The following EMC1 variants were observed in gnomAD, a reference collection of about 807,000 sequenced individuals.
The protein encoded by EMC1 is KIAA0090.
EMC1 carries 103 observed loss-of-function variants against 128.8 expected under a neutral mutation model. The observed-to-expected ratio is 0.80, with a 90% CI of 0.68 to 0.94. The LOEUF (loss-of-function observed/expected upper bound fraction) is 0.94, where lower values mean the gene tolerates loss of function less well. Among genes scored for constraint, EMC1 ranks in the 40% least tolerant of loss-of-function variants. EMC1 has a pLI of 0.00. For synonymous variants in EMC1, 442 were observed against 490.4 expected, an observed-to-expected ratio of 0.90 and a Z score of 1.30; for missense variants, 1,083 against 1,250.6, an observed-to-expected ratio of 0.87 and a Z score of 2.02.
At chr1:19,220,277 A>G (rs2093421547) in intron 21 of EMC1, 1 of 158,492 alleles carries the variant, frequency 6.3e-6, no homozygotes, top group Non-Finnish European at 1.4e-5. Context: ...GGCCCGAATT[A>G]CCTCAGTGAT....
chr1:19,251,323 C>T (rs2093658182), intron 1 of EMC1, 92 bp downstream of exon 1: 3 of 1,211,400 alleles, frequency 2.5e-6, no homozygotes, highest in South Asian at 2.5e-5. Context: ...AATTATGCGG[C>T]CAATCCTGTT....
At chr1:19,243,731 A>T in intron 3 of EMC1, 24 bp from the exon 4 acceptor site, 2 of 1,611,668 alleles carry the variant, frequency 1.2e-6, no homozygotes, top group Non-Finnish European at 8.5e-7. Flanking sequence ...GATCGTGGTG[A>T]AGTCATTTCC....
chr1:19,245,488 AT>A (rs1242901982), intron 1 of EMC1, among the ~76,000 whole-genome samples: 1 of 152,208 alleles, frequency 6.6e-6, no homozygotes, highest in Non-Finnish European at 1.5e-5. Flanking sequence ...CAAAAGCAAG[AT>A]TTCCATTCAA....
intron 6 of EMC1, 151 bp from the exon 7 acceptor site, chr1:19,240,597 T>C: frequency 1.3e-6 from 1 of 778,166 alleles, no homozygotes; most frequent in Non-Finnish European, 2.0e-6. Flanking sequence ...TCCTGTCCCC[T>C]GAAACCCCAC....
Position 19,220,754 on chromosome 1 carries a change from A to C in EMC1, c.2672+10T>G, listed in dbSNP as rs767268556. On this transcript the variant is annotated intron_variant, in intron 21 of 22. Transcript: ENST00000477853. ...GTCAGAGCCTTCAGCACTGCCCATG[A>C]GGGTCTCACCTGCTTTGTTCTGTTG... 5.0e-6 allele frequency: 8 copies of C among 1,608,798 alleles called. No homozygotes were observed. The South Asian group carries it at 6.6e-5, about 13-fold the overall frequency.
At chr1:19,227,481 G>C (rs1423406060) in intron 17 of EMC1, 31 bp from the exon 18 acceptor site, 2 of 1,613,808 alleles carry the variant, frequency 1.2e-6, no homozygotes, top group East Asian at 4.5e-5. Flanking sequence ...CCTGTAATCA[G>C]GAGGGTACAC....
intron 18 of EMC1, among the ~76,000 whole-genome samples, chr1:19,224,938 A>ACTCACTTC (rs1440400864): frequency 6.6e-6 from 1 of 151,230 alleles, no homozygotes; most frequent in Admixed American, 6.6e-5. Flanking sequence ...TACCCACACA[A>ACTCACTTC]CTCACTTCCT....
At chr1:19,248,382 G>A (rs1251567409) in intron 1 of EMC1, among the ~76,000 whole-genome samples, 2 of 151,864 alleles carry the variant, frequency 1.3e-5, no homozygotes, top group African/African-American at 4.8e-5. Flanking sequence ...ATGCTTTGCA[G>A]AAATGGGGTT....
intron 12 of EMC1, among the ~76,000 whole-genome samples, chr1:19,235,559 G>A (rs1165984352): frequency 1.3e-5 from 2 of 152,214 alleles, no homozygotes; most frequent in East Asian, 3.9e-4. Flanking sequence ...AAATTAGCCA[G>A]GCATGATGGT....
chr1:19,249,743 G>A (rs1012646156), intron 1 of EMC1, among the ~76,000 whole-genome samples: 4 of 151,942 alleles, frequency 2.6e-5, no homozygotes, highest in African/African-American at 9.7e-5. Context: ...TGGGCAACAT[G>A]GCAAAACCCC....
intron 8 of EMC1, chr1:19,239,594 TAAGG>T: frequency 1.7e-6 from 1 of 588,542 alleles, no homozygotes; most frequent in East Asian, 2.8e-5. Context: ...TCCTTTGGAC[TAAGG>T]AAGGCACTAG....
At chr1:19,231,986 G>A (rs1487951281) in intron 15 of EMC1, among the ~76,000 whole-genome samples, 1 of 152,164 alleles carries the variant, frequency 6.6e-6, no homozygotes, top group Admixed American at 6.5e-5. Context: ...ACCTGGCCGG[G>A]CGTGGTGGCT....
At chr1:19,233,908 T>G (rs145956157) in intron 13 of EMC1, among the ~76,000 whole-genome samples, 1 of 152,286 alleles carries the variant, frequency 6.6e-6, no homozygotes, top group African/African-American at 2.4e-5. Flanking sequence ...CATCATACGA[T>G]GTACATAAAG....
chr1:19,231,195 T>G, intron 16 of EMC1, 66 bp downstream of exon 16: 3 of 1,514,554 alleles, frequency 2.0e-6, no homozygotes, highest in Non-Finnish European at 2.7e-6. Flanking sequence ...CGGGCCGCTG[T>G]GTTTGACCAC....
Position 19,251,457 on chromosome 1 carries a change from G to T in EMC1, c.53C>A (p.Pro18His), listed in dbSNP as rs2093659046. Residue 18 changes from proline (P) to histidine (H), a missense_variant, in exon 1 of 23, where the codon CCT becomes CAT. Coordinates refer to ENST00000477853, the MANE Select transcript of EMC1 (RefSeq NM_015047.3). ...RFWLWATLLIPAAAVYEDQVG... is the reference protein window; with the variant it reads ...RFWLWATLLIHAAAVYEDQVG... ...TTGGTCTTCGTAGACCGCGGCCGCA[G>T]GAATCAGCAGCGTAGCCCAAAGCCA... 6.2e-7 allele frequency: 1 copy of T among 1,614,176 alleles called. No individual in the cohort carries two copies. The highest frequency in any genetic ancestry group is 8.5e-7 in the Non-Finnish European group (1 of 1,180,040).
intron 20 of EMC1, 92 bp downstream of exon 20, chr1:19,222,532 C>G: frequency 1.7e-6 from 2 of 1,171,554 alleles, no homozygotes; most frequent in Non-Finnish European, 1.2e-6. Flanking sequence ...GGTGGTTCAA[C>G]AAGGCTCTGC....
chr1:19,233,627 C>T (rs576573045), intron 13 of EMC1, among the ~76,000 whole-genome samples: 2 of 152,296 alleles, frequency 1.3e-5, no homozygotes, highest in South Asian at 4.1e-4. Flanking sequence ...GACGTACTTG[C>T]AACGAGTTCC....
chr1:19,247,274 A>C (rs2093635899), intron 1 of EMC1, among the ~76,000 whole-genome samples: 1 of 152,238 alleles, frequency 6.6e-6, no homozygotes, highest in Admixed American at 6.5e-5. Context: ...CCTGGGCTCA[A>C]GTAATACTCC....
At chr1:19,243,123 T>C (rs1486803904) in intron 4 of EMC1, among the ~76,000 whole-genome samples, 1 of 152,052 alleles carries the variant, frequency 6.6e-6, no homozygotes, top group Non-Finnish European at 1.5e-5. Flanking sequence ...TAATCCCAGC[T>C]ACTGGAGAGG....
Sources: allele counts gnomAD v4.1 joint callset (sites outside exome capture counted in the v4.1 genomes callset), GRCh38; gene constraint gnomAD v4.1.1; transcripts MANE v1.5; gene names NCBI Gene and HGNC (gene_info 2026-07-23, HGNC 2026-07-21).